The following ATRNL1 variants were observed in gnomAD, a reference collection of about 807,000 sequenced individuals.
The protein encoded by ATRNL1 is attractin like 1.
Under a neutral mutation model 182.7 loss-of-function variants are expected in ATRNL1, and 95 were observed. That is an observed-to-expected ratio of 0.52 (90% CI 0.44 to 0.62). ATRNL1 has a LOEUF of 0.62. Among genes scored for constraint, ATRNL1 ranks in the 20% least tolerant of loss-of-function variants. The pLI, the probability that ATRNL1 is intolerant of heterozygous loss-of-function variation, is 0.00. For missense variants in ATRNL1, 1,471 were observed against 1,679.5 expected, an observed-to-expected ratio of 0.88 and a Z score of 2.17; for synonymous variants, 576 against 568.3, an observed-to-expected ratio of 1.01 and a Z score of -0.19.
At chr10:115,230,909 G>GAGAGAGAGAGAGAA (rs1456039412) in intron 9 of ATRNL1, among the ~76,000 whole-genome samples, 7 of 138,238 alleles carry the variant, frequency 5.1e-5, no homozygotes, top group Non-Finnish European at 9.0e-5. Context: ...GAGAGAGAGA[G>GAGAGAGAGAGAGAA]AGAGAGAGAG....
intron 25 of ATRNL1, among the ~76,000 whole-genome samples, chr10:115,539,750 G>A (rs1192748061): frequency 1.3e-5 from 2 of 152,128 alleles, no homozygotes; most frequent in African/African-American, 4.8e-5. Context: ...GAAGCAGTAA[G>A]AACCACAATC....
chr10:115,831,925 AG>A (rs1403890971), intron 27 of ATRNL1, among the ~76,000 whole-genome samples: 1 of 152,238 alleles, frequency 6.6e-6, no homozygotes, highest in Non-Finnish European at 1.5e-5. Context: ...ACCAACACCA[AG>A]AAAAAGAGTA....
chr10:115,246,142 A>G (rs1200485424), intron 10 of ATRNL1, among the ~76,000 whole-genome samples: 1 of 152,190 alleles, frequency 6.6e-6, no homozygotes. Flanking sequence ...CATGATTTAT[A>G]ATATAATTAT....
At chr10:115,801,357 C>G (rs1949788298) in intron 27 of ATRNL1, among the ~76,000 whole-genome samples, 2 of 151,916 alleles carry the variant, frequency 1.3e-5, no homozygotes, top group South Asian at 4.2e-4. Flanking sequence ...ACAGAGGAAA[C>G]AAGTAAGGAG....
chr10:115,174,530 A>G (rs544576659), intron 8 of ATRNL1, among the ~76,000 whole-genome samples: 1 of 151,958 alleles, frequency 6.6e-6, no homozygotes, highest in Non-Finnish European at 1.5e-5. Flanking sequence ...ATATAAATAA[A>G]TTAAAAATAA....
At chr10:115,764,663 TTTG>T (rs1278192230) in intron 27 of ATRNL1, among the ~76,000 whole-genome samples, 1 of 152,070 alleles carries the variant, frequency 6.6e-6, no homozygotes, top group Non-Finnish European at 1.5e-5. Flanking sequence ...CCGTGTCTTT[TTTG>T]TTTGTTTGTT....
At chr10:115,826,744 T>A (rs1950443423) in intron 27 of ATRNL1, among the ~76,000 whole-genome samples, 1 of 152,152 alleles carries the variant, frequency 6.6e-6, no homozygotes, top group Non-Finnish European at 1.5e-5. Flanking sequence ...CCGGGGTTTT[T>A]TATGCATTTG....
At chr10:115,725,844 G>A (rs920840311) in intron 26 of ATRNL1, among the ~76,000 whole-genome samples, 2 of 152,066 alleles carry the variant, frequency 1.3e-5, no homozygotes, top group Non-Finnish European at 2.9e-5. Flanking sequence ...TATTTGCCAG[G>A]AGCTGTATTT....
chr10:115,598,350 A>AATTTATTTATTTATTTATTTATTTAT (rs1856390470), intron 26 of ATRNL1, among the ~76,000 whole-genome samples: 13 of 145,788 alleles, frequency 8.9e-5, no homozygotes, highest in African/African-American at 3.1e-4. Flanking sequence ...ATTTAAAAAA[A>AATTTATTTATTTATTTATTTATTTAT]TTATTTATTT....
chr10:115,201,825 A>G (rs1291175138), intron 8 of ATRNL1, among the ~76,000 whole-genome samples: 1 of 152,150 alleles, frequency 6.6e-6, no homozygotes, highest in Non-Finnish European at 1.5e-5. Context: ...CTTGGGCAGT[A>G]TGGCCATTTT....
At chr10:115,212,903 T>G (rs1326362235) in intron 8 of ATRNL1, among the ~76,000 whole-genome samples, 1 of 152,066 alleles carries the variant, frequency 6.6e-6, no homozygotes, top group Non-Finnish European at 1.5e-5. Context: ...GGTACTAGGC[T>G]TAATACTTGG....
At position 115,389,469 on chromosome 10, in the gene ATRNL1, C is replaced by T. The variant is rs181196015; in HGVS notation, c.3176-5190C>T. On this transcript the variant is annotated intron_variant, in intron 19 of 28. Transcript: ENST00000355044. ...TGGAGGTTGCAGTGAGCCAAGATTG[C>T]GCCATTGCACTTCAGCCCGAGACTC... Among the ~76,000 whole-genome samples the T allele has an allele frequency of 4.1e-3, 567 of 138,830 alleles. 2 individuals are homozygous for T. Among genetic ancestry groups the T allele is most frequent in the African/African-American group, 0.012 (467 of 37,424 alleles). 91.1% of individuals were successfully genotyped at this position (138,830 alleles called of 152,430 possible).
rs192287523 is a variant in ATRNL1 at position 115,547,025 on chromosome 10, C to T, written c.3717-2433C>T. Reference sequence around the variant, plus strand: ...TTTCAGCACTTTGGAAGGCCGAGGCCGGCAGATCACCTGAGGTCATGAGTT... The same window carrying T: ...TTTCAGCACTTTGGAAGGCCGAGGCTGGCAGATCACCTGAGGTCATGAGTT... On this transcript the variant is annotated intron_variant, in intron 25 of 28. Transcript: ENST00000355044. Among the ~76,000 whole-genome samples the T allele has an allele frequency of 2.7e-3, 411 of 151,898 alleles. 3 individuals are homozygous for T. Among genetic ancestry groups the T allele is most frequent in the African/African-American group, 9.4e-3 (388 of 41,440 alleles).
chr10:115,186,900 T>G (rs11815472), intron 8 of ATRNL1, among the ~76,000 whole-genome samples: 2,409 of 152,198 alleles, frequency 0.016, 52 homozygotes, highest in African/African-American at 0.054. Flanking sequence ...TGTGCTTGTT[T>G]CAAAATATCT....
At chr10:115,290,732 A>AGG (rs1852862086) in intron 15 of ATRNL1, among the ~76,000 whole-genome samples, 1 of 152,090 alleles carries the variant, frequency 6.6e-6, no homozygotes, top group East Asian at 1.9e-4. Context: ...GCAGAGAGAG[A>AGG]GGGGCTCTGG....
intron 20 of ATRNL1, among the ~76,000 whole-genome samples, chr10:115,410,035 T>A (rs1554959497): frequency 6.6e-6 from 1 of 152,180 alleles, no homozygotes; most frequent in Non-Finnish European, 1.5e-5. Flanking sequence ...ATTTATTGAT[T>A]TGCATTGTGT....
intron 26 of ATRNL1, among the ~76,000 whole-genome samples, chr10:115,679,524 A>G (rs2804147): frequency 0.25 from 37,487 of 151,904 alleles, 4,947 homozygotes; most frequent in East Asian, 0.38. Context: ...AGTGAGAGCT[A>G]CATTGGGACT....
chr10:115,400,244 TAACTC>T (rs1351727598), intron 20 of ATRNL1, among the ~76,000 whole-genome samples: 1 of 152,028 alleles, frequency 6.6e-6, no homozygotes, highest in African/African-American at 2.4e-5. Context: ...ATGCAAAAAT[TAACTC>T]AAGTTGGATT....
rs140227733 is a variant in ATRNL1, at chr10:115,926,608, A to G, written c.4019-18050A>G. Among the ~76,000 whole-genome samples the G allele has an allele frequency of 9.6e-3, 1,468 of 152,300 alleles. 21 individuals carry two copies. Among genetic ancestry groups the G allele is most frequent in the African/African-American group, 0.034 (1,413 of 41,560 alleles). ...CACTGACCTCACAGACATACAAACT[A>G]CCATCAGAGAATACTATAAACACCT... is the stretch of plus-strand genomic sequence containing the variant. On this transcript the variant is annotated intron_variant, in intron 28 of 28. Coordinates refer to ENST00000355044, the MANE Select transcript of ATRNL1 (RefSeq NM_207303.4).
Sources: gnomAD v4.1 joint callset for allele counts (sites outside exome capture counted in the v4.1 genomes callset) on GRCh38, gnomAD v4.1.1 for gene constraint, MANE v1.5 for transcripts, NCBI Gene and HGNC (gene_info 2026-07-23, HGNC 2026-07-21) for gene names.